PUDP: variants seen among roughly 807,000 people sequenced by gnomAD.
The protein encoded by PUDP is pseudouridine-5'-phosphatase.
In PUDP, 8 loss-of-function variants were observed where a neutral mutation model predicts 9.4. The ratio of observed to expected loss-of-function variants is 0.85; its 90% CI spans 0.50 to 1.53. The LOEUF is 1.53. PUDP is among the 40% of genes most tolerant of loss of function. The pLI is 0.00. For synonymous variants in PUDP, 99 were observed against 80.7 expected (o/e 1.23, Z -1.22); for missense variants, 188 against 189.7 (o/e 0.99, Z 0.05).
intron 1 of PUDP, among the ~76,000 whole-genome samples, chrX:7,116,744 T>G (rs943981375): frequency 1.8e-5 from 2 of 111,929 alleles, no homozygotes; most frequent in Admixed American, 1.9e-4. Flanking sequence ...CCCTCCCAAA[T>G]CTCATGCTGA....
At chrX:6,892,240 C>T (rs1472956525) in intron 3 of PUDP, among the ~76,000 whole-genome samples, 3 of 111,813 alleles carry the variant, frequency 2.7e-5, no homozygotes, top group Non-Finnish European at 5.6e-5. Flanking sequence ...TTATCATTTG[C>T]CAAGTCTGAT....
In PUDP at chrX:7,007,096, G is replaced by A. The variant is rs1413722640; in HGVS notation, c.205-28753C>T. Among the ~76,000 whole-genome samples, 10 of 110,625 alleles carry A rather than the reference G, an allele frequency of 9.0e-5. No homozygotes were observed. In the Admixed American group the frequency reaches 9.6e-4, roughly 11 times the overall value. ...ATTGCCAGGGAAGAATGCTTTATTT[G>A]GGTGCTGCAGCCAAGGAGGTGGGAG... On this transcript the variant is annotated intron_variant and NMD_transcript_variant, in intron 1 of 3. Transcript: ENST00000655425.
At chrX:6,836,691 C>T (rs1232630628) in intron 3 of PUDP, among the ~76,000 whole-genome samples, 2 of 112,431 alleles carry the variant, frequency 1.8e-5, no homozygotes, top group African/African-American at 6.5e-5. Flanking sequence ...ACATACTTGG[C>T]TAATCTCTTA....
intron 3 of PUDP, among the ~76,000 whole-genome samples, chrX:6,930,946 A>G (rs1291997629): frequency 1.9e-5 from 2 of 106,999 alleles, no homozygotes; most frequent in Non-Finnish European, 3.9e-5. Flanking sequence ...AAAGTGTTGC[A>G]TCCTTATACA....
rs145860981 is a variant in PUDP, at chrX:6,782,345, T to G, written c.*248-75879A>C. ...AGCACTTTGGGAGGCCAAGGTGGGT[T>G]GATCACCTGAGGTCAGGAATTTGAG... On this transcript the variant is annotated intron_variant and NMD_transcript_variant, in intron 3 of 3. Coordinates refer to the PUDP transcript ENST00000655425. Among the ~76,000 whole-genome samples, 1,105 of 111,082 alleles carry G rather than the reference T, an allele frequency of 9.9e-3. 14 individuals carry two copies. Among genetic ancestry groups the G allele is most frequent in the African/African-American group, 0.033 (998 of 30,515 alleles).
chrX:6,743,666 T>C (rs770015732), intron 3 of PUDP, among the ~76,000 whole-genome samples: 9 of 110,993 alleles, frequency 8.1e-5, no homozygotes, highest in African/African-American at 3.0e-4. Flanking sequence ...TGCCCAGGAG[T>C]CCAGATTTCC....
In PUDP at chrX:6,787,017, C is replaced by T. The variant is rs1218417128; in HGVS notation, c.*248-80551G>A. Reference sequence around the variant, plus strand: ...ACTCTCTGTCTCTCCCCCCACCCCCCGACCTTTGTCTCTGTCTCCGGTTGA... The same window carrying T: ...ACTCTCTGTCTCTCCCCCCACCCCCTGACCTTTGTCTCTGTCTCCGGTTGA... On this transcript the variant is annotated intron_variant and NMD_transcript_variant, in intron 3 of 3. Coordinates refer to the PUDP transcript ENST00000655425. 2.8e-5 allele frequency among the ~76,000 whole-genome samples: 3 copies of T among 108,043 alleles called. No homozygotes were observed. The East Asian group carries it at 8.8e-4, about 32-fold the overall frequency. The allele number at this position is 108,043 out of a possible 115,157, so 93.8% of individuals were successfully genotyped here. A position where few individuals can be genotyped will look rare whatever the true frequency, so the allele number is the denominator to read the frequency against.
chrX:7,050,476 T>C lies in PUDP; in HGVS notation c.511-4A>G. On this transcript the variant is annotated splice_polypyrimidine_tract_variant and splice_region_variant and intron_variant, in intron 3 of 3. Coordinates refer to ENST00000381077, the MANE Select transcript of PUDP (RefSeq NM_012080.5). ...GAGCATCTTCAAAGACAAGGCACTG[T>C]AGGAAGAAAAAGAAAGTCGAGATGG... 6 of 1,205,837 alleles carry C rather than the reference T, an allele frequency of 5.0e-6. No homozygotes were observed. Among genetic ancestry groups the C allele is most frequent in the Non-Finnish European group, 6.7e-6 (6 of 891,914 alleles).
intron 3 of PUDP, among the ~76,000 whole-genome samples, chrX:6,966,077 G>T (rs745673217): frequency 1.1e-4 from 12 of 111,156 alleles, no homozygotes; most frequent in South Asian, 3.8e-4. Context: ...ATGTAAGTTT[G>T]GTCCCACAGA....
At chrX:6,966,173 T>C (rs1392236737) in intron 3 of PUDP, among the ~76,000 whole-genome samples, 1 of 110,888 alleles carries the variant, frequency 9.0e-6, no homozygotes, top group Non-Finnish European at 1.9e-5. Flanking sequence ...AATTATCACA[T>C]ATATATATTT....
At chrX:7,066,618 C>T (rs759869534) in intron 3 of PUDP, among the ~76,000 whole-genome samples, 35 of 111,200 alleles carry the variant, frequency 3.1e-4, no homozygotes, top group Non-Finnish European at 1.1e-4. Context: ...GCTCACTCGC[C>T]GCTCACTTCC....
rs778813649 is a variant in PUDP at position 7,050,209 on chromosome X, T to C, written c.*87A>G. 61 of 931,273 alleles carry C rather than the reference T, an allele frequency of 6.6e-5. No individual in the cohort carries two copies. Among genetic ancestry groups the C allele is most frequent in the East Asian group, 5.6e-4 (17 of 30,352 alleles). The allele number at this position is 931,273 out of a possible 1,213,427, so 76.7% of individuals were successfully genotyped here. A position where few individuals can be genotyped will look rare whatever the true frequency, so the allele number is the denominator to read the frequency against. ...GCTAAAATCACAGCGCAGGTTGGGA[T>C]TGAAGAGTTGCTGATTTCCTTTCCC... On this transcript the variant is annotated 3_prime_UTR_variant, in exon 4 of 4. Coordinates refer to ENST00000381077, the MANE Select transcript of PUDP (RefSeq NM_012080.5).
At chrX:6,756,934 G>A (rs181972147) in intron 3 of PUDP, among the ~76,000 whole-genome samples, 29 of 112,102 alleles carry the variant, frequency 2.6e-4, no homozygotes, top group Admixed American at 1.6e-3. Context: ...AGTTCAAGTG[G>A]GAAGATTTGT....
intron 1 of PUDP, among the ~76,000 whole-genome samples, chrX:6,715,639 C>T: frequency 8.9e-6 from 1 of 112,388 alleles, no homozygotes; most frequent in Non-Finnish European, 1.9e-5. Context: ...GAATAAATAG[C>T]TCTCCTTCAC....
chrX:6,876,749 A>T (rs1927264460), intron 3 of PUDP, among the ~76,000 whole-genome samples: 1 of 93,264 alleles, frequency 1.1e-5, no homozygotes, highest in Admixed American at 1.3e-4. Flanking sequence ...GCATGTATGC[A>T]TGTTTGTGTC....
chrX:6,941,520 G>A lies in PUDP; in HGVS notation c.*247+35613C>T, dbSNP rs190117955. On this transcript the variant is annotated intron_variant and NMD_transcript_variant, in intron 3 of 3. Transcript: ENST00000655425. ...ATTTTTTAACTTTTTGTAGAGACAA[G>A]GTCTCATTTTGTTTCCCAGGCTGGT... 3.7e-5 allele frequency among the ~76,000 whole-genome samples: 4 copies of A among 109,092 alleles called. No homozygotes were observed. In the East Asian group the frequency reaches 1.2e-3, roughly 32 times the overall value. The allele number at this position is 109,092 out of a possible 115,157, so 94.7% of individuals were successfully genotyped here.
At chrX:7,115,827 G>C (rs192369569) in intron 1 of PUDP, among the ~76,000 whole-genome samples, 2 of 112,620 alleles carry the variant, frequency 1.8e-5, no homozygotes, top group African/African-American at 6.4e-5. Flanking sequence ...GTGGCTGCAA[G>C]GGGGAGCTGG....
intron 3 of PUDP, among the ~76,000 whole-genome samples, chrX:6,804,747 T>C (rs111620867): frequency 0.03 from 3,380 of 111,462 alleles, 127 homozygotes; most frequent in African/African-American, 0.1. Flanking sequence ...CCTTCACTCA[T>C]TGAACTCAGA....
At chrX:6,967,165 G>A (rs772753908) in intron 3 of PUDP, among the ~76,000 whole-genome samples, 1 of 111,903 alleles carries the variant, frequency 8.9e-6, no homozygotes, top group East Asian at 2.9e-4. Flanking sequence ...GCCACAGGAG[G>A]ACAGAGGCAT....
Sources: allele counts gnomAD v4.1 joint callset (sites outside exome capture counted in the v4.1 genomes callset), GRCh38; gene constraint gnomAD v4.1.1; transcripts MANE v1.5; gene names NCBI Gene and HGNC (gene_info 2026-07-23, HGNC 2026-07-21).